The following CACNA1D variants were observed in gnomAD, a reference collection of about 807,000 sequenced individuals.
CACNA1D encodes voltage-dependent L-type calcium channel subunit alpha-1D.
In CACNA1D, 55 loss-of-function variants were observed where a neutral mutation model predicts 257.1. The ratio of observed to expected loss-of-function variants is 0.21; its 90% CI spans 0.17 to 0.27. The LOEUF (loss-of-function observed/expected upper bound fraction) is 0.27. Ranked by LOEUF, CACNA1D falls within the 10% of genes least tolerant of loss-of-function variation. CACNA1D has a pLI of 1.00. For synonymous variants in CACNA1D, 980 were observed against 1,014.9 expected, an observed-to-expected ratio of 0.97 and a Z score of 0.65; for missense variants, 1,876 against 2,784.0, an observed-to-expected ratio of 0.67 and a Z score of 7.34.
chr3:53,688,444 C>T (rs1380781162), intron 8 of CACNA1D, among the ~76,000 whole-genome samples: 6 of 152,146 alleles, frequency 3.9e-5, no homozygotes, highest in East Asian at 1.9e-4. Context: ...AAAATTGGAG[C>T]GCCCCATCTC....
Position 53,805,126 on chromosome 3 carries a change from T to C in CACNA1D, c.5729T>C (p.Leu1910Pro). The change falls in exon 45 of 48, where the codon CTA becomes CCA. Residue 1910 changes from leucine (L) to proline (P), a missense_variant. Transcript: ENST00000350061. ...TCACGGAGATCTCCAAGGAGACGCC[T>C]ACTACCTCCCACCCCAGCATGTGAG... The part of the protein sequence containing the change: ...YDSRRSPRRR[L>P]LPPTPASHRR... The C allele has an allele frequency of 1.2e-6, 2 of 1,614,000 alleles. No homozygotes were observed. Among genetic ancestry groups the C allele is most frequent in the Non-Finnish European group, 1.7e-6 (2 of 1,180,018 alleles).
intron 3 of CACNA1D, among the ~76,000 whole-genome samples, chr3:53,541,372 T>C (rs534964256): frequency 4.6e-5 from 7 of 152,348 alleles, no homozygotes; most frequent in Non-Finnish European, 8.8e-5. Flanking sequence ...TTCAAAAGAT[T>C]GACACTTAGC....
At chr3:53,724,065 T>G in intron 14 of CACNA1D, 66 bp downstream of exon 14, 1 of 1,248,282 alleles carries the variant, frequency 8.0e-7, no homozygotes, top group Non-Finnish European at 1.2e-6. Context: ...TCTGCCTTCT[T>G]GTCTGCTCAC....
intron 3 of CACNA1D, among the ~76,000 whole-genome samples, chr3:53,528,128 C>T (rs1484844478): frequency 2.0e-5 from 3 of 152,142 alleles, no homozygotes; most frequent in East Asian, 3.9e-4. Context: ...TACCTTTTTT[C>T]TTGTAGAAGC....
At chr3:53,755,234 A>G (rs1298408141) in intron 29 of CACNA1D, among the ~76,000 whole-genome samples, 1 of 152,232 alleles carries the variant, frequency 6.6e-6, no homozygotes, top group African/African-American at 2.4e-5. Context: ...TACCTGGGCC[A>G]TGTCTTCCCT....
chr3:53,537,585 A>C (rs2092151390), intron 3 of CACNA1D, among the ~76,000 whole-genome samples: 1 of 152,220 alleles, frequency 6.6e-6, no homozygotes, highest in South Asian at 2.1e-4. Flanking sequence ...ATATTTGAGC[A>C]CTGAGTATTA....
intron 8 of CACNA1D, among the ~76,000 whole-genome samples, chr3:53,682,549 CCT>C (rs2094442689): frequency 7.4e-6 from 1 of 134,280 alleles, no homozygotes; most frequent in Non-Finnish European, 1.6e-5. Flanking sequence ...AGAGTGAGAC[CCT>C]GTCTTAAAAA....
chr3:53,749,227 G>A (rs1385541298), intron 26 of CACNA1D, 41 bp from the exon 27 acceptor site: 3 of 1,447,492 alleles, frequency 2.1e-6, no homozygotes, highest in Admixed American at 3.4e-5. Context: ...CGTGTGGGCT[G>A]GGGGGCTTGG....
intron 43 of CACNA1D, 57 bp from the exon 44 acceptor site, chr3:53,803,366 G>A: frequency 6.2e-7 from 1 of 1,605,644 alleles, no homozygotes. Flanking sequence ...AGGTGCAGCT[G>A]CAGCAGGAAT....
chr3:53,707,102 C>G (rs1016223344), intron 9 of CACNA1D, among the ~76,000 whole-genome samples: 1 of 151,984 alleles, frequency 6.6e-6, no homozygotes, highest in African/African-American at 2.4e-5. Flanking sequence ...TGCTTGCTGT[C>G]AGGGAACAGA....
At position 53,751,654 on chromosome 3, in the gene CACNA1D, G is replaced by T. The variant is rs2095227332; in HGVS notation, c.3517-95G>T. On this transcript the variant is annotated intron_variant, in intron 27 of 47. Coordinates refer to ENST00000350061, the MANE Select transcript of CACNA1D (RefSeq NM_001128840.3). This position sits in a 1 kb window ranked among gnomAD's most constrained non-coding sequence, Gnocchi z 4.3. ...CATCGTCCACGGCCCCTTCCCGGGA[G>T]CTGTAGGGTGAGCTCTTTCAGAGCA... is the stretch of plus-strand genomic sequence containing the variant. 8.0e-7 allele frequency: 1 copy of T among 1,254,460 alleles called. No homozygotes were observed. Among genetic ancestry groups the T allele is most frequent in the Admixed American group, 1.7e-5 (1 of 59,440 alleles). 77.7% of individuals were successfully genotyped at this position (1,254,460 alleles called of 1,614,324 possible).
rs191782952 is a variant in CACNA1D, at chr3:53,662,412, G to A, written c.766+2137G>A. On this transcript the variant is annotated intron_variant, in intron 5 of 47. Coordinates refer to ENST00000350061, the MANE Select transcript of CACNA1D (RefSeq NM_001128840.3). Reference sequence around the variant, plus strand: ...AGCCCCGCGACCTCAGCACTACTGTGCTGCTCACTGTTTAACTTCTTACCT... The same window carrying A: ...AGCCCCGCGACCTCAGCACTACTGTACTGCTCACTGTTTAACTTCTTACCT... 9.9e-5 allele frequency among the ~76,000 whole-genome samples: 15 copies of A among 152,246 alleles called. No individual in the cohort carries two copies. In the East Asian group the frequency reaches 2.7e-3, roughly 27 times the overall value.
At chr3:53,791,212 G>A (rs374866219) in intron 40 of CACNA1D, 7 of 575,626 alleles carry the variant, frequency 1.2e-5, no homozygotes, top group Admixed American at 6.2e-5. Context: ...GCTCATCTGC[G>A]GAGCCAGGGC....
At chr3:53,634,988 T>G (rs1317779399) in intron 3 of CACNA1D, among the ~76,000 whole-genome samples, 3 of 152,180 alleles carry the variant, frequency 2.0e-5, no homozygotes, top group African/African-American at 7.2e-5. Context: ...AGAATTCGTC[T>G]CATTTAGTGG....
chr3:53,538,633 C>G (rs1176349576), intron 3 of CACNA1D, among the ~76,000 whole-genome samples: 1 of 152,160 alleles, frequency 6.6e-6, no homozygotes, highest in African/African-American at 2.4e-5. Flanking sequence ...ACATTGGTCC[C>G]TGTGTCTGTT....
intron 9 of CACNA1D, among the ~76,000 whole-genome samples, chr3:53,715,728 A>G (rs1051028868): frequency 2.1e-4 from 32 of 152,206 alleles, no homozygotes; most frequent in Non-Finnish European, 4.4e-5. Context: ...CTCAGCCACT[A>G]TCCCAACCCA....
intron 45 of CACNA1D, chr3:53,807,437 C>T (rs3774614): frequency 0.44 from 66,428 of 152,200 alleles, 16,624 homozygotes; most frequent in South Asian, 0.65. Flanking sequence ...AAGGACTCAG[C>T]CCGGTCTCTT....
chr3:53,674,016 C>T (rs2108419236), intron 8 of CACNA1D: 1 of 652,266 alleles, frequency 1.5e-6, no homozygotes, highest in Non-Finnish European at 2.8e-6. Context: ...GCTTGCCAAA[C>T]ACTGTTAATT....
intron 4 of CACNA1D, among the ~76,000 whole-genome samples, chr3:53,657,129 C>A (rs1182180794): frequency 6.6e-6 from 1 of 152,134 alleles, no homozygotes; most frequent in African/African-American, 2.4e-5. Flanking sequence ...AAACTGGAAG[C>A]AACCCATATA....
Sources: gnomAD v4.1 joint callset for allele counts (sites outside exome capture counted in the v4.1 genomes callset) on GRCh38, gnomAD v4.1.1 for gene constraint, Gnocchi (gnomAD v3.1) non-coding constraint, MANE v1.5 for transcripts, NCBI Gene and HGNC (gene_info 2026-07-23, HGNC 2026-07-21) for gene names.